Variants in SHISA6 observed in about 807,000 individuals in gnomAD.
The protein encoded by SHISA6 is protein shisa-6.
Under a neutral mutation model 47.9 loss-of-function variants are expected in SHISA6, and 22 were observed. That is an observed-to-expected ratio of 0.46 (90% CI 0.33 to 0.66). SHISA6 has a LOEUF of 0.66. Ranked by LOEUF, SHISA6 falls within the 30% of genes least tolerant of loss-of-function variation. The probability of loss-of-function intolerance (pLI) is 0.02; values close to 1 mark genes in which losing one functional copy is unlikely to be tolerated. For synonymous variants in SHISA6, 388 were observed against 337.8 expected (o/e 1.15, Z -1.63); for missense variants, 680 against 764.6 (o/e 0.89, Z 1.30).
intron 2 of SHISA6, among the ~76,000 whole-genome samples, chr17:11,368,876 C>T (rs571031748): frequency 3.3e-4 from 51 of 152,244 alleles, no homozygotes; most frequent in Admixed American, 8.5e-4. Context: ...AGGCTGGTCT[C>T]GAACTCCTGA....
intron 3 of SHISA6, among the ~76,000 whole-genome samples, chr17:11,440,055 A>T (rs1046520933): frequency 3.9e-5 from 6 of 152,210 alleles, no homozygotes; most frequent in African/African-American, 1.4e-4. Context: ...CTGCTAACAC[A>T]GTTAATTCAA....
intron 3 of SHISA6, among the ~76,000 whole-genome samples, chr17:11,534,108 T>C (rs2142373760): frequency 6.6e-6 from 1 of 151,464 alleles, no homozygotes; most frequent in Non-Finnish European, 1.5e-5. Flanking sequence ...GCTTCCCAAA[T>C]AGCTGGGATT....
At chr17:11,247,760 C>T (rs1907647564) in intron 1 of SHISA6, among the ~76,000 whole-genome samples, 1 of 151,026 alleles carries the variant, frequency 6.6e-6, no homozygotes. Flanking sequence ...ATGACCTCAC[C>T]TCTTTGGCGT....
intron 3 of SHISA6, among the ~76,000 whole-genome samples, chr17:11,494,161 G>A (rs2071389321): frequency 6.6e-6 from 1 of 152,136 alleles, no homozygotes; most frequent in South Asian, 2.1e-4. Flanking sequence ...CTCAGGCAGA[G>A]CCAAACAGGG....
At chr17:11,399,217 C>T (rs1913681358) in intron 3 of SHISA6, among the ~76,000 whole-genome samples, 1 of 152,068 alleles carries the variant, frequency 6.6e-6, no homozygotes, top group Non-Finnish European at 1.5e-5. Flanking sequence ...TGAAGCTGCT[C>T]ATATGAAATG....
In SHISA6 at chr17:11,456,844, T is replaced by G. The variant is rs1013138880; in HGVS notation, c.895+77335T>G. On this transcript the variant is annotated intron_variant, in intron 3 of 5. Coordinates refer to ENST00000441885, the MANE Select transcript of SHISA6 (RefSeq NM_207386.4). ...GAGATTATAGAGTGTTACACACAGA[T>G]AGAAATAATAAGACCCACAATTCCA... 3.9e-5 allele frequency among the ~76,000 whole-genome samples: 6 copies of G among 152,268 alleles called. No homozygotes were observed. In the South Asian group the frequency reaches 8.3e-4, roughly 21 times the overall value.
At chr17:11,519,958 A>G (rs1236184783) in intron 3 of SHISA6, among the ~76,000 whole-genome samples, 1 of 152,044 alleles carries the variant, frequency 6.6e-6, no homozygotes, top group Non-Finnish European at 1.5e-5. Context: ...ATTGGCCCCA[A>G]GCTTTAGGTT....
At chr17:11,277,280 T>TCTCTCTCTCTCACACACACA (rs1386997909) in intron 2 of SHISA6, among the ~76,000 whole-genome samples, 80 of 53,870 alleles carry the variant, frequency 1.5e-3, no homozygotes, top group East Asian at 3.6e-3. Context: ...TCTCTCTCTC[T>TCTCTCTCTCTCACACACACA]CACACACACA....
intron 3 of SHISA6, among the ~76,000 whole-genome samples, chr17:11,389,041 C>G (rs941898604): frequency 6.6e-6 from 1 of 151,766 alleles, no homozygotes; most frequent in South Asian, 2.1e-4. Context: ...GACTCTGTCT[C>G]CAGCTGGATT....
chr17:11,243,105 C>T (rs1004953709), intron 1 of SHISA6, among the ~76,000 whole-genome samples: 1 of 151,736 alleles, frequency 6.6e-6, no homozygotes, highest in African/African-American at 2.4e-5. Flanking sequence ...CCATGAGCAC[C>T]CCCCAGACCA....
chr17:11,283,667 A>G (rs139313624), intron 2 of SHISA6, among the ~76,000 whole-genome samples: 1 of 152,340 alleles, frequency 6.6e-6, no homozygotes, highest in East Asian at 1.9e-4. Flanking sequence ...ATATTTTCTA[A>G]TGCATAGATG....
At chr17:11,404,528 C>A (rs779670035) in intron 3 of SHISA6, among the ~76,000 whole-genome samples, 5 of 152,190 alleles carry the variant, frequency 3.3e-5, no homozygotes, top group Admixed American at 2.0e-4. Flanking sequence ...TGACCACCCC[C>A]ATTTGCCCTC....
intron 1 of SHISA6, among the ~76,000 whole-genome samples, chr17:11,250,041 G>A (rs1567699126): frequency 6.6e-6 from 1 of 152,240 alleles, no homozygotes; most frequent in East Asian, 1.9e-4. Context: ...CAGGCAGGTG[G>A]TGGAGGTCCT....
At chr17:11,556,043 C>T (rs551362460) in intron 5 of SHISA6, among the ~76,000 whole-genome samples, 151 bp downstream of exon 5, 84 of 152,280 alleles carry the variant, frequency 5.5e-4, no homozygotes, top group African/African-American at 1.9e-3. Context: ...AATAGACAAG[C>T]TCTTTGCTTT....
intron 2 of SHISA6, chr17:11,290,585 C>G (rs191062203): frequency 6.6e-6 from 1 of 151,904 alleles, no homozygotes; most frequent in Admixed American, 6.6e-5. Flanking sequence ...CTCCTGACCT[C>G]GTGATATGCC....
chr17:11,305,614 T>C (rs1253880348), intron 2 of SHISA6, among the ~76,000 whole-genome samples: 3 of 152,236 alleles, frequency 2.0e-5, no homozygotes, highest in African/African-American at 7.2e-5. Flanking sequence ...TTTCTCTCTT[T>C]TGTAACAGTC....
intron 3 of SHISA6, among the ~76,000 whole-genome samples, chr17:11,480,190 C>T (rs1240243624): frequency 6.6e-6 from 1 of 152,146 alleles, no homozygotes; most frequent in African/African-American, 2.4e-5. Context: ...AAGAGTCCCA[C>T]AGTCCTAGCT....
intron 3 of SHISA6, among the ~76,000 whole-genome samples, chr17:11,471,475 G>A (rs756556697): frequency 3.4e-4 from 51 of 152,110 alleles, no homozygotes; most frequent in Admixed American, 2.6e-4. Flanking sequence ...ATATCAGCAC[G>A]CTTACTCTCC....
intron 2 of SHISA6, among the ~76,000 whole-genome samples, chr17:11,283,196 T>A (rs191516403): frequency 6.6e-6 from 1 of 152,326 alleles, no homozygotes; most frequent in East Asian, 1.9e-4. Context: ...TGCAATAAAT[T>A]GCATTTATAT....
Sources: gnomAD v4.1 joint callset for allele counts (sites outside exome capture counted in the v4.1 genomes callset) on GRCh38, gnomAD v4.1.1 for gene constraint, MANE v1.5 for transcripts, NCBI Gene and HGNC (gene_info 2026-07-23, HGNC 2026-07-21) for gene names.